The following NCAPD3 variants were observed in gnomAD, a reference collection of about 807,000 sequenced individuals.
NCAPD3 encodes the protein non-SMC condensin II complex subunit D3.
NCAPD3 carries 105 observed loss-of-function variants against 182.9 expected under a neutral mutation model. That is an observed-to-expected ratio of 0.57 (90% CI 0.49 to 0.68). The LOEUF (loss-of-function observed/expected upper bound fraction) is 0.68, where lower values mean the gene tolerates loss of function less well. Among genes scored for constraint, NCAPD3 ranks in the 30% least tolerant of loss-of-function variants. The probability of loss-of-function intolerance (pLI) is 0.00; values close to 1 mark genes in which losing one functional copy is unlikely to be tolerated. For missense variants in NCAPD3, 1,944 were observed against 1,837.0 expected, an observed-to-expected ratio of 1.06 and a Z score of -1.07; for synonymous variants, 815 against 679.9, an observed-to-expected ratio of 1.20 and a Z score of -3.09.
chr11:134,216,457 T>A (rs1938025455), intron 3 of NCAPD3, among the ~76,000 whole-genome samples: 1 of 152,190 alleles, frequency 6.6e-6, no homozygotes, highest in African/African-American at 2.4e-5. Flanking sequence ...AGTAAAACAG[T>A]GCTCGAAAAC....
rs757106741 is a variant in NCAPD3, at chr11:134,161,829, C to T, written c.3636G>A (p.Leu1212=). 2.5e-6 allele frequency: 4 copies of T among 1,595,440 alleles called. No homozygotes were observed. Among genetic ancestry groups the T allele is most frequent in the African/African-American group, 2.7e-5 (2 of 74,404 alleles). Residue 1212 remains leucine, a synonymous_variant, in exon 28 of 35, where the codon CTG becomes CTA. Transcript: ENST00000534548. The stretch of plus-strand genomic sequence containing the variant: ...GCAAAGCTGGGATCTTATTTTTCTC[C>T]AGCACAGTCTTCAGGGAGATGATAA... ...IPIIISLKTV[L]EKNKIPALRE... is the part of the protein sequence containing the mutation.
intron 32 of NCAPD3, chr11:134,156,787 CTG>C: frequency 2.5e-6 from 1 of 405,952 alleles, no homozygotes; most frequent in Middle Eastern, 6.6e-4. Flanking sequence ...CCGCGGGCCA[CTG>C]TGGTGTTTGA....
chr11:134,205,325 C>G (rs1170618878), intron 8 of NCAPD3, among the ~76,000 whole-genome samples: 1 of 151,944 alleles, frequency 6.6e-6, no homozygotes, highest in Non-Finnish European at 1.5e-5. Flanking sequence ...CTCATGGTAG[C>G]TCAGTGAAAT....
chr11:134,203,138 T>C lies in NCAPD3; in HGVS notation c.1525+4A>G, dbSNP rs1944784099. ...CAATATTTGAAAATGTATTGATCCA[T>C]TACCTGATGAATTTCTCAGTAAGGT... On this transcript the variant is annotated splice_donor_region_variant and intron_variant, in intron 12 of 34. Transcript: ENST00000534548. 2 of 1,572,002 alleles carry C rather than the reference T, an allele frequency of 1.3e-6. No individual in the cohort carries two copies. The highest frequency in any genetic ancestry group is 2.7e-5 in the African/African-American group (2 of 73,962).
chr11:134,203,622 C>T (rs780673705), intron 11 of NCAPD3, 32 bp downstream of exon 11: 33 of 1,599,706 alleles, frequency 2.1e-5, no homozygotes, highest in Middle Eastern at 2.1e-4. Context: ...AGCACAAGAC[C>T]GGTTTACTGT....
chr11:134,194,145 T>C lies in NCAPD3; in HGVS notation c.1695A>G (p.Leu565=), dbSNP rs1262486859. ...TNVRKSALQV[L]VSILKHCDVS... ...CATCACAGTGTTTCAAAATACTCAC[T>C]AATACCTAGAAGGCATAGACGCAAC... is the stretch of plus-strand genomic sequence containing the variant. The change falls in exon 15 of 35, where the codon TTA becomes TTG. Residue 565 remains leucine, a synonymous_variant. Coordinates refer to ENST00000534548, the MANE Select transcript of NCAPD3 (RefSeq NM_015261.3). 1 of 1,613,992 alleles carries C rather than the reference T, an allele frequency of 6.2e-7. No homozygotes were observed. Among genetic ancestry groups the C allele is most frequent in the Non-Finnish European group, 8.5e-7 (1 of 1,179,938 alleles).
intron 17 of NCAPD3, 60 bp from the exon 18 acceptor site, chr11:134,185,060 A>T: frequency 7.5e-7 from 1 of 1,324,550 alleles, no homozygotes; most frequent in East Asian, 2.3e-5. Flanking sequence ...CTGCCAACAA[A>T]GGCCTTTCTT....
intron 3 of NCAPD3, among the ~76,000 whole-genome samples, chr11:134,212,337 AAGAGG>A (rs771377988): frequency 8.0e-4 from 122 of 151,892 alleles, no homozygotes; most frequent in Non-Finnish European, 1.6e-3. Context: ...AATAACACAC[AAGAGG>A]AGAGGAGAAA....
chr11:134,159,774 C>T (rs1943525823), intron 29 of NCAPD3, 118 bp downstream of exon 29: 5 of 1,112,960 alleles, frequency 4.5e-6, no homozygotes, highest in Non-Finnish European at 6.3e-6. Context: ...ACTCTCGAGG[C>T]CTTCGGGCTG....
chr11:134,162,445 C>T (rs995438918), intron 27 of NCAPD3, among the ~76,000 whole-genome samples: 7 of 152,268 alleles, frequency 4.6e-5, no homozygotes, highest in South Asian at 4.2e-4. Flanking sequence ...TCACACTTTA[C>T]CTTGAATGAT....
chr11:134,211,183 G>A (rs531040967), intron 3 of NCAPD3, among the ~76,000 whole-genome samples: 1 of 152,284 alleles, frequency 6.6e-6, no homozygotes, highest in African/African-American at 2.4e-5. Flanking sequence ...CACCTTAACA[G>A]TAGGGCTAAA....
intron 8 of NCAPD3, among the ~76,000 whole-genome samples, chr11:134,205,456 C>T (rs542901807): frequency 8.6e-5 from 13 of 151,174 alleles, no homozygotes; most frequent in African/African-American, 3.2e-4. Context: ...TCTCGGCTCA[C>T]TGCAACTTCC....
chr11:134,189,128 T>C (rs1944472365), intron 16 of NCAPD3, among the ~76,000 whole-genome samples: 1 of 151,894 alleles, frequency 6.6e-6, no homozygotes, highest in Admixed American at 6.5e-5. Context: ...AAAATACTAA[T>C]ACATTCTGAA....
At chr11:134,223,019 CCAAGGGAACAA>C in intron 1 of NCAPD3, 2 of 192,560 alleles carry the variant, frequency 1.0e-5, no homozygotes, top group Non-Finnish European at 2.2e-5. Context: ...TGGGGTAGAG[CCAAGGGAACAA>C]TCCAAGTGTG....
At chr11:134,171,428 ATC>A (rs1212362065) in intron 24 of NCAPD3, among the ~76,000 whole-genome samples, 2 of 152,192 alleles carry the variant, frequency 1.3e-5, no homozygotes, top group African/African-American at 2.4e-5. Flanking sequence ...AAACATAAAA[ATC>A]TGACTTCAGA....
intron 7 of NCAPD3, among the ~76,000 whole-genome samples, chr11:134,207,848 G>A (rs531025778): frequency 1.0e-3 from 155 of 151,348 alleles, no homozygotes; most frequent in Middle Eastern, 6.9e-3. Flanking sequence ...AAGGGCATGC[G>A]AATTAAAAAC....
rs775135510 is a variant in NCAPD3, at chr11:134,167,998, G to T, written c.3571C>A (p.Gln1191Lys). 21 of 1,613,632 alleles carry T rather than the reference G, an allele frequency of 1.3e-5. No homozygotes were observed. The Admixed American group carries it at 1.3e-4, about 10-fold the overall frequency. Residue 1191 changes from glutamine (Q) to lysine (K), a missense_variant and splice_region_variant, in exon 27 of 35, where the codon CAA (glutamine) becomes AAA (lysine). By Grantham distance (53) the Gln-to-Lys change is moderately conservative. Around this residue, in one of 3 missense-constraint regions of NCAPD3, gnomAD observed 1,803 missense variants for 1,674.6 expected, o/e 1.08. Coordinates refer to ENST00000534548, the MANE Select transcript of NCAPD3 (RefSeq NM_015261.3). The part of the protein sequence containing the change: ...MQEAQKKLIS[Q>K]VQKRNFIENI... ...TCTTAGGGGAGCAACACACTCACTTGTGAGATGAGCTTCTTCTGAGCTTCC... is the reference window on the plus strand; with the variant it reads ...TCTTAGGGGAGCAACACACTCACTTTTGAGATGAGCTTCTTCTGAGCTTCC...
intron 22 of NCAPD3, 30 bp from the exon 23 acceptor site, chr11:134,177,487 C>T (rs1944198715): frequency 6.3e-7 from 1 of 1,577,272 alleles, no homozygotes; most frequent in Non-Finnish European, 8.7e-7. Context: ...GATGTCTCAA[C>T]TGTATTCTAA....
chr11:134,188,401 C>T (rs911857349), intron 16 of NCAPD3, among the ~76,000 whole-genome samples: 3 of 152,210 alleles, frequency 2.0e-5, no homozygotes, highest in Non-Finnish European at 4.4e-5. Context: ...AAAAGCTGGC[C>T]ACCCGAGCCA....
Sources: allele counts gnomAD v4.1 joint callset (sites outside exome capture counted in the v4.1 genomes callset), GRCh38; gene constraint gnomAD v4.1.1; regional missense constraint gnomAD v4.1.1; transcripts MANE v1.5; gene names NCBI Gene and HGNC (gene_info 2026-07-23, HGNC 2026-07-21).